The following EIF4E3 variants were observed in gnomAD, a reference collection of about 807,000 sequenced individuals.
EIF4E3 encodes the protein eukaryotic translation initiation factor 4E family member 3.
A neutral mutation model predicts 31.7 loss-of-function variants in EIF4E3; 26 were observed. That is an observed-to-expected ratio of 0.82 (90% CI 0.60 to 1.14). EIF4E3 has a LOEUF of 1.14. EIF4E3 is among the 50% of genes most tolerant of loss of function. The probability of loss-of-function intolerance (pLI) is 0.00; values close to 1 mark genes in which losing one functional copy is unlikely to be tolerated. For synonymous variants in EIF4E3, 128 were observed against 107.7 expected (o/e 1.19, Z -1.17); for missense variants, 304 against 270.9 (o/e 1.12, Z -0.86).
chr3:71,715,379 T>C (rs935546), intron 1 of EIF4E3, among the ~76,000 whole-genome samples: 32,236 of 152,166 alleles, frequency 0.21, 3,575 homozygotes, highest in East Asian at 0.39. Context: ...GAAAAAGGCC[T>C]TTTCCCATAG....
chr3:71,705,473 G>A (rs770316959), intron 2 of EIF4E3, among the ~76,000 whole-genome samples: 1 of 152,168 alleles, frequency 6.6e-6, no homozygotes, highest in Non-Finnish European at 1.5e-5. Flanking sequence ...TATGATAAAC[G>A]ATGCTGAATT....
upstream of EIF4E3, chr3:71,754,282 C>A: frequency 8.6e-7 from 1 of 1,165,462 alleles, no homozygotes; most frequent in Non-Finnish European, 1.1e-6. This position sits in a 1 kb window ranked among gnomAD's most constrained non-coding sequence, Gnocchi z 5.8. Context: ...GTCATGCTGG[C>A]GGCGCGGCGT....
At chr3:71,714,305 C>CGAACGAACGAAG (rs1300162116) in intron 1 of EIF4E3, among the ~76,000 whole-genome samples, 22 of 90,320 alleles carry the variant, frequency 2.4e-4, no homozygotes, top group Non-Finnish European at 3.0e-4. Flanking sequence ...AAGGAAGGAA[C>CGAACGAACGAAG]GAAAGAAAGG....
upstream of EIF4E3, among the ~76,000 whole-genome samples, chr3:71,753,788 G>A (rs2049965447): frequency 6.7e-6 from 1 of 148,624 alleles, no homozygotes; most frequent in African/African-American, 2.4e-5. Flanking sequence ...CGGTGGCGAG[G>A]CCCTGTCCGC....
At chr3:71,669,888 A>T in the EIF4E3 span, among the ~76,000 whole-genome samples, 4 of 152,222 alleles carry the variant, frequency 2.6e-5, no homozygotes, top group Non-Finnish European at 5.9e-5. Context: ...GTCCAGTAGA[A>T]ACTATTCATA....
intron 2 of EIF4E3, among the ~76,000 whole-genome samples, chr3:71,702,836 G>C (rs1314492454): frequency 6.6e-6 from 1 of 152,056 alleles, no homozygotes; most frequent in Non-Finnish European, 1.5e-5. Flanking sequence ...ATACCTACAG[G>C]AAGGAATCTA....
chr3:71,684,012 T>C lies in EIF4E3; in HGVS notation c.*670A>G, dbSNP rs758197616. The C allele has an allele frequency of 1.3e-5, 2 of 152,286 alleles. No homozygotes were observed. The highest frequency in any genetic ancestry group is 2.4e-5 in the African/African-American group (1 of 41,460). 9.4% of individuals were successfully genotyped at this position (152,286 alleles called of 1,614,324 possible). A position where few individuals can be genotyped will look rare whatever the true frequency, so the allele number is the denominator to read the frequency against. ...ATATCCTGATACTGAATTGTGATTA[T>C]AGTTTTCATGTTATGCAATCCAACT... On this transcript the variant is annotated 3_prime_UTR_variant, in exon 7 of 7. Coordinates refer to ENST00000425534, the MANE Select transcript of EIF4E3 (RefSeq NM_001134651.2).
At chr3:71,722,567 C>A (rs1446151951) in intron 1 of EIF4E3, among the ~76,000 whole-genome samples, 1 of 152,190 alleles carries the variant, frequency 6.6e-6, no homozygotes, top group East Asian at 1.9e-4. Context: ...AGCCTGTACC[C>A]CCAATCTAAA....
chr3:71,726,830 A>C (rs1202982663), upstream of EIF4E3, among the ~76,000 whole-genome samples: 2 of 152,170 alleles, frequency 1.3e-5, no homozygotes, highest in Non-Finnish European at 2.9e-5. Flanking sequence ...TCCAACACTA[A>C]AACAGGGGAG....
In EIF4E3 at chr3:71,705,626, G is replaced by A. The variant is rs72949492; in HGVS notation, c.249+4786C>T. The stretch of plus-strand genomic sequence containing the variant: ...GCGATACACCAAATAACTGATGTTC[G>A]AGACAGAGTGCTGTACAGGAATGAG... On this transcript the variant is annotated intron_variant, in intron 2 of 6. Coordinates refer to ENST00000425534, the MANE Select transcript of EIF4E3 (RefSeq NM_001134651.2). Among the ~76,000 whole-genome samples, 405 of 152,280 alleles carry A rather than the reference G, an allele frequency of 2.7e-3. 4 individuals carry two copies. Among genetic ancestry groups the A allele is most frequent in the African/African-American group, 9.3e-3 (388 of 41,550 alleles).
the EIF4E3 span, among the ~76,000 whole-genome samples, chr3:71,666,626 G>C: frequency 6.6e-6 from 1 of 152,072 alleles, no homozygotes; most frequent in African/African-American, 2.4e-5. Context: ...CCAAAACTTG[G>C]CAGAGACACA....
At chr3:71,692,410 T>TA (rs1479880449) in intron 5 of EIF4E3, among the ~76,000 whole-genome samples, 9 of 152,314 alleles carry the variant, frequency 5.9e-5, no homozygotes, top group South Asian at 2.1e-4. Flanking sequence ...TATTACCACT[T>TA]AGACTATTTT....
chr3:71,723,301 T>C (rs1487262773), intron 1 of EIF4E3, among the ~76,000 whole-genome samples: 2 of 152,194 alleles, frequency 1.3e-5, no homozygotes, highest in African/African-American at 2.4e-5. Context: ...GGAGAAAAAG[T>C]TCAATAAAAA....
At chr3:71,668,073 A>G in the EIF4E3 span, among the ~76,000 whole-genome samples, 16,765 of 152,292 alleles carry the variant, frequency 0.11, 976 homozygotes, top group Middle Eastern at 0.13. Context: ...CCAATGGAAC[A>G]GAACAGAGGC....
rs983031579 is a variant in EIF4E3 at position 71,725,013 on chromosome 3, C to T, written c.176+179G>A. ...ACGCCGAACAGCCGCCCGGCGCGGC[C>T]CGAAGCTGGCTTCCGACCCGGCGGG... is the stretch of plus-strand genomic sequence containing the variant. On this transcript the variant is annotated intron_variant, in intron 1 of 6. Coordinates refer to ENST00000425534, the MANE Select transcript of EIF4E3 (RefSeq NM_001134651.2). The surrounding 1 kb of genome is among the most constrained non-coding windows in gnomAD (Gnocchi z 6.1). 1.5e-4 allele frequency among the ~76,000 whole-genome samples: 23 copies of T among 152,166 alleles called. No homozygotes were observed. The East Asian group carries it at 3.1e-3, about 21-fold the overall frequency.
chr3:71,720,851 A>G (rs2049537257), intron 1 of EIF4E3, among the ~76,000 whole-genome samples: 1 of 152,192 alleles, frequency 6.6e-6, no homozygotes, highest in African/African-American at 2.4e-5. Context: ...GCATGGAGAG[A>G]GGAAAATGGC....
rs2049611207 is a variant in EIF4E3, at chr3:71,725,093, G to A, written c.176+99C>T. On this transcript the variant is annotated intron_variant, in intron 1 of 6. Coordinates refer to ENST00000425534, the MANE Select transcript of EIF4E3 (RefSeq NM_001134651.2). The surrounding 1 kb of genome is among the most constrained non-coding windows in gnomAD (Gnocchi z 6.1). ...CGGAGGGGCCGAGGTCTGTGCCACAGCGGAGCGGGGCCGGGGCGAGGGGCC... is the reference window on the plus strand; with the variant it reads ...CGGAGGGGCCGAGGTCTGTGCCACAACGGAGCGGGGCCGGGGCGAGGGGCC... 2.2e-6 allele frequency: 2 copies of A among 906,166 alleles called. No individual in the cohort carries two copies. Among genetic ancestry groups the A allele is most frequent in the Non-Finnish European group, 2.7e-6 (2 of 754,456 alleles). The allele number at this position is 906,166 out of a possible 1,614,324, so 56.1% of individuals were successfully genotyped here. A position where few individuals can be genotyped will look rare whatever the true frequency, so the allele number is the denominator to read the frequency against.
At chr3:71,660,173 G>T in the EIF4E3 span, among the ~76,000 whole-genome samples, 1 of 152,178 alleles carries the variant, frequency 6.6e-6, no homozygotes, top group African/African-American at 2.4e-5. Context: ...AGCAGAAAAT[G>T]AAGCTGTAAG....
At chr3:71,700,898 G>GCC (rs988658188) in intron 2 of EIF4E3, among the ~76,000 whole-genome samples, 1 of 152,160 alleles carries the variant, frequency 6.6e-6, no homozygotes, top group Non-Finnish European at 1.5e-5. Flanking sequence ...AGCAGGTGGG[G>GCC]CCCCTGGGAG....
Sources: gnomAD v4.1 joint callset for allele counts (sites outside exome capture counted in the v4.1 genomes callset) on GRCh38, gnomAD v4.1.1 for gene constraint, Gnocchi (gnomAD v3.1) non-coding constraint, MANE v1.5 for transcripts, NCBI Gene and HGNC (gene_info 2026-07-23, HGNC 2026-07-21) for gene names.